Variants in TRIM38 observed in about 807,000 individuals in gnomAD.
The protein encoded by TRIM38 is E3 ubiquitin-protein ligase TRIM38.
In TRIM38, 35 loss-of-function variants were observed where a neutral mutation model predicts 35.8. The ratio of observed to expected loss-of-function variants is 0.98; its 90% CI spans 0.75 to 1.30. The LOEUF is 1.30. Among genes scored for constraint, TRIM38 ranks in the 50% most tolerant of loss-of-function variants. The probability of loss-of-function intolerance (pLI) is 0.00; values close to 1 mark genes in which losing one functional copy is unlikely to be tolerated. For synonymous variants in TRIM38, 198 were observed against 204.7 expected (o/e 0.97, Z 0.28); for missense variants, 545 against 556.9 (o/e 0.98, Z 0.21).
chr6:25,985,107 G>A lies in TRIM38; in HGVS notation c.*1420G>A, dbSNP rs1248570218. ...ATCTTTGGCATAAGAAGTATTTTGA[G>A]TTGAAGACAATTGAGAAAAAAAATA... On this transcript the variant is annotated 3_prime_UTR_variant, in exon 8 of 8. Coordinates refer to ENST00000357085, the MANE Select transcript of TRIM38 (RefSeq NM_006355.5). The A allele has an allele frequency of 1.3e-5, 2 of 152,124 alleles. No homozygotes were observed. Among genetic ancestry groups the A allele is most frequent in the Non-Finnish European group, 2.9e-5 (2 of 68,016 alleles). The allele number at this position is 152,124 out of a possible 1,614,324, so 9.4% of individuals were successfully genotyped here.
chr6:25,967,018 A>G (rs529101084), intron 3 of TRIM38, 85 bp downstream of exon 3: 2 of 1,375,872 alleles, frequency 1.5e-6, no homozygotes, highest in East Asian at 2.3e-5. Flanking sequence ...TTGAAACCTA[A>G]CATTATGACT....
intron 2 of TRIM38, among the ~76,000 whole-genome samples, chr6:25,964,708 A>G (rs192999488): frequency 1.6e-4 from 24 of 152,286 alleles, no homozygotes; most frequent in African/African-American, 5.8e-4. Flanking sequence ...AGGGAGTCAT[A>G]TATTGGGGTG....
intron 7 of TRIM38, 117 bp from the exon 8 acceptor site, chr6:25,983,047 C>G (rs983128478): frequency 1.0e-6 from 1 of 980,830 alleles, no homozygotes; most frequent in Non-Finnish European, 1.5e-6. Context: ...TGAGATAGTG[C>G]CAGTGCACTC....
intron 2 of TRIM38, among the ~76,000 whole-genome samples, chr6:25,964,046 G>A (rs1258358041): frequency 6.6e-6 from 1 of 151,994 alleles, no homozygotes; most frequent in African/African-American, 2.4e-5. Flanking sequence ...AGGAGCCAAG[G>A]GAACACTTCC....
intron 5 of TRIM38, among the ~76,000 whole-genome samples, chr6:25,972,623 A>G (rs1482939044): frequency 6.6e-6 from 1 of 152,210 alleles, no homozygotes; most frequent in Non-Finnish European, 1.5e-5. Flanking sequence ...TGCTACCACC[A>G]TCTTAGTGGC....
At position 25,966,869 on chromosome 6, in the gene TRIM38, AG is replaced by A. The variant is rs1760074036; in HGVS notation, c.348del (p.Glu116AspfsTer29). 1 of 1,614,014 alleles carries A rather than the reference AG, an allele frequency of 6.2e-7. No individual in the cohort carries two copies. Among genetic ancestry groups the A allele is most frequent in the Admixed American group, 1.7e-5 (1 of 60,000 alleles). Reference protein sequence around the residue: ...DEGQLICWRCERAPQHKGHTT... With the variant: ...DEGQLICWRCXRAPQHKGHTT... ...GGGCAGCTCATCTGCTGGCGCTGTG[AG>A]CGGGCACCACAGCACAAAGGGCACA... On this transcript the variant is annotated frameshift_variant, in exon 3 of 8. Coordinates refer to ENST00000357085, the MANE Select transcript of TRIM38 (RefSeq NM_006355.5). LOFTEE classifies it high-confidence loss of function.
At chr6:25,967,004 T>A in intron 3 of TRIM38, 71 bp downstream of exon 3, 1 of 1,458,510 alleles carries the variant, frequency 6.9e-7, no homozygotes, top group Non-Finnish European at 9.2e-7. Flanking sequence ...TGAGATGATT[T>A]AACTTGAAAC....
Position 25,991,007 on chromosome 6 carries a change from C to T in TRIM38, c.*7320C>T, listed in dbSNP as rs62394542. On this transcript the variant is annotated 3_prime_UTR_variant, in exon 8 of 8. Transcript: ENST00000357085. Reference sequence around the variant, plus strand: ...CAGGCCCCTCCAAACTGTCATATTCCGGGCATCGGGTGTCCCCATCCTCAC... The same window carrying T: ...CAGGCCCCTCCAAACTGTCATATTCTGGGCATCGGGTGTCCCCATCCTCAC... The T allele has an allele frequency of 0.15, 23,205 of 152,088 alleles. 1,867 individuals carry two copies. Among genetic ancestry groups the T allele is most frequent in the Middle Eastern group, 0.22 (66 of 294 alleles). The allele number at this position is 152,088 out of a possible 1,614,324, so 9.4% of individuals were successfully genotyped here.
intron 7 of TRIM38, among the ~76,000 whole-genome samples, chr6:25,980,334 A>G (rs1760509299): frequency 6.6e-6 from 1 of 152,160 alleles, no homozygotes. Flanking sequence ...TTGTATATTA[A>G]CACAATTCTA....
chr6:25,971,842 C>T, intron 4 of TRIM38, 27 bp from the exon 5 acceptor site: 3 of 1,598,434 alleles, frequency 1.9e-6, no homozygotes, highest in Non-Finnish European at 2.6e-6. Context: ...TTACTTCCAC[C>T]TTTTGACCAT....
At chr6:25,966,113 C>CGAGATTTGT (rs1179868320) in intron 2 of TRIM38, among the ~76,000 whole-genome samples, 1 of 152,074 alleles carries the variant, frequency 6.6e-6, no homozygotes, top group Non-Finnish European at 1.5e-5. Flanking sequence ...TACATATTCC[C>CGAGATTTGT]GAGATTTGTA....
In TRIM38 at chr6:25,987,930, G is replaced by A. The variant is rs556287642; in HGVS notation, c.*4243G>A. 6.6e-6 allele frequency: 1 copy of A among 152,136 alleles called. No homozygotes were observed. Among genetic ancestry groups the A allele is most frequent in the Non-Finnish European group, 1.5e-5 (1 of 68,034 alleles). 9.4% of individuals were successfully genotyped at this position (152,136 alleles called of 1,614,324 possible). ...TTCTAGAGTGTCATACAGTTGTGAA[G>A]CAGGAAGCAGGAGTGAACTCCGGAG... is the stretch of plus-strand genomic sequence containing the variant. On this transcript the variant is annotated 3_prime_UTR_variant, in exon 8 of 8. Coordinates refer to ENST00000357085, the MANE Select transcript of TRIM38 (RefSeq NM_006355.5).
intron 7 of TRIM38, chr6:25,973,608 C>T: frequency 2.1e-6 from 2 of 974,918 alleles, no homozygotes; most frequent in Non-Finnish European, 1.2e-6. Context: ...AAATTAAATG[C>T]ATCAACATGT....
At chr6:25,975,635 G>T (rs1285643389) in intron 7 of TRIM38, 5 of 983,098 alleles carry the variant, frequency 5.1e-6, no homozygotes, top group African/African-American at 1.8e-5. Flanking sequence ...TAAGGAGAAA[G>T]TTCAAGGTTT....
Position 25,969,396 on chromosome 6 carries a change from A to G in TRIM38, c.483A>G (p.Thr161=), listed in dbSNP as rs1250312124. ...GATGTACGGAGCAGAAGCTGTCCAC[A>G]GCAATGCGAATAACTAAATGGAAAG... ...EDRCTEQKLS[T]AMRITKWKEK... is the part of the protein sequence containing the mutation. The change falls in exon 4 of 8, where the codon ACA becomes ACG. Residue 161 remains threonine (T), a synonymous_variant. Transcript: ENST00000357085. 1.9e-6 allele frequency: 3 copies of G among 1,610,374 alleles called. No homozygotes were observed. Among genetic ancestry groups the G allele is most frequent in the South Asian group, 1.1e-5 (1 of 90,012 alleles).
chr6:25,967,916 G>T (rs146149880), intron 3 of TRIM38, among the ~76,000 whole-genome samples: 58 of 152,258 alleles, frequency 3.8e-4, no homozygotes, highest in Non-Finnish European at 7.6e-4. Flanking sequence ...CAGATTTTAA[G>T]CACGATTCAG....
chr6:25,973,591 A>G (rs1760304952), intron 7 of TRIM38: 2 of 974,588 alleles, frequency 2.1e-6, no homozygotes, highest in Non-Finnish European at 2.4e-6. Context: ...TCATTGAGTT[A>G]TCATCAAAAT....
chr6:25,974,649 C>T (rs1760337785), intron 7 of TRIM38, among the ~76,000 whole-genome samples: 2 of 152,200 alleles, frequency 1.3e-5, no homozygotes, highest in African/African-American at 4.8e-5. Flanking sequence ...ATTTATCCCA[C>T]TTAATTTGAA....
At chr6:25,982,677 G>A (rs1581610788) in intron 7 of TRIM38, among the ~76,000 whole-genome samples, 1 of 152,112 alleles carries the variant, frequency 6.6e-6, no homozygotes, top group South Asian at 2.1e-4. Flanking sequence ...CAACAAATAC[G>A]GTAATTTCCA....
Sources: allele counts gnomAD v4.1 joint callset (sites outside exome capture counted in the v4.1 genomes callset), GRCh38; gene constraint gnomAD v4.1.1; transcripts MANE v1.5; gene names NCBI Gene and HGNC (gene_info 2026-07-23, HGNC 2026-07-21).